RBM44: variants seen among roughly 807,000 people sequenced by gnomAD.
RBM44 encodes RNA-binding protein 44.
Under a neutral mutation model 105.1 loss-of-function variants are expected in RBM44, and 66 were observed. The observed-to-expected ratio is 0.63, with a 90% CI of 0.52 to 0.77. The LOEUF (loss-of-function observed/expected upper bound fraction) is 0.77. RBM44 is among the 30% of genes least tolerant of loss of function. The pLI is 0.00. For synonymous variants in RBM44, 365 were observed against 417.6 expected (o/e 0.87, Z 1.54); for missense variants, 1,122 against 1,207.8 (o/e 0.93, Z 1.05).
At chr2:237,831,041 T>G (rs1014432595) in intron 13 of RBM44, among the ~76,000 whole-genome samples, 1 of 151,712 alleles carries the variant, frequency 6.6e-6, no homozygotes, top group African/African-American at 2.4e-5. Flanking sequence ...GATAAAGGGA[T>G]CTCTTCTAAC....
chr2:237,827,148 G>A (rs2061855531), intron 10 of RBM44, 102 bp from the exon 11 acceptor site: 3 of 679,416 alleles, frequency 4.4e-6, no homozygotes, highest in African/African-American at 3.6e-5. Context: ...ATAAACTCTG[G>A]GTTAGTAGAA....
rs1284372421 is a variant in RBM44, at chr2:237,813,659, G to A, written c.50G>A (p.Ser17Asn). 1 of 1,610,502 alleles carries A rather than the reference G, an allele frequency of 6.2e-7. No individual in the cohort carries two copies. The part of the protein sequence containing the change: ...VETASGKGYH[S>N]NGGNLQKDKP... ...ACAGCATCTGGTAAAGGCTACCACA[G>A]TAATGGAGGCAACCTCCAAAAAGGT... is the stretch of plus-strand genomic sequence containing the variant. The change falls in exon 2 of 16, where the codon AGT becomes AAT. Residue 17 changes from serine (S) to asparagine (N), a missense_variant. Ser to Asn is a conservative substitution (Grantham distance 46). Transcript: ENST00000316997.
intron 15 of RBM44, among the ~76,000 whole-genome samples, chr2:237,835,950 G>A (rs1282298119): frequency 6.6e-6 from 1 of 152,132 alleles, no homozygotes; most frequent in African/African-American, 2.4e-5. Context: ...AGCAGCAAAT[G>A]CTGATGTAGA....
chr2:237,800,870 G>T (rs980743854), intron 1 of RBM44, among the ~76,000 whole-genome samples: 2 of 151,908 alleles, frequency 1.3e-5, no homozygotes, highest in Non-Finnish European at 2.9e-5. Context: ...GGGATTACAG[G>T]CACCCACTAC....
intron 2 of RBM44, among the ~76,000 whole-genome samples, chr2:237,815,178 A>G (rs1253374063): frequency 3.9e-5 from 6 of 152,192 alleles, no homozygotes; most frequent in Admixed American, 2.6e-4. Flanking sequence ...AAGATAAGCA[A>G]TAAGCTAGGA....
chr2:237,832,211 G>A (rs906387073), intron 13 of RBM44, among the ~76,000 whole-genome samples: 2 of 150,488 alleles, frequency 1.3e-5, no homozygotes, highest in African/African-American at 4.9e-5. Flanking sequence ...CTGGGGTGCA[G>A]TGGCACAACC....
intron 1 of RBM44, among the ~76,000 whole-genome samples, chr2:237,813,247 TC>T (rs2061676435): frequency 6.6e-6 from 1 of 152,214 alleles, no homozygotes; most frequent in Admixed American, 6.5e-5. Context: ...CTTCTTTCAT[TC>T]AGCAAGTTTT....
At position 237,824,414 on chromosome 2, in the gene RBM44, C is replaced by T; in HGVS notation, c.2444C>T (p.Thr815Ile). Reference sequence around the variant, plus strand: ...CAAGACACATGGAATTTGGATCTTACAGGAGGTTGGTTCTCAAGAATTTAC... The same window carrying T: ...CAAGACACATGGAATTTGGATCTTATAGGAGGTTGGTTCTCAAGAATTTAC... Reference protein sequence around the residue: ...VEQDTWNLDLTGEMKNVEPSQ... With the variant: ...VEQDTWNLDLIGEMKNVEPSQ... The change falls in exon 10 of 16, where the codon ACA becomes ATA. Residue 815 changes from threonine to isoleucine, a missense_variant. Thr to Ile is a moderately conservative substitution (Grantham distance 89). Around this residue, in one of 3 missense-constraint regions of RBM44, gnomAD observed 918 missense variants for 955.3 expected, o/e 0.96. Transcript: ENST00000316997. 1 of 1,611,698 alleles carries T rather than the reference C, an allele frequency of 6.2e-7. No homozygotes were observed. The highest frequency in any genetic ancestry group is 2.2e-5 in the East Asian group (1 of 44,778).
chr2:237,823,507 A>G lies in RBM44; in HGVS notation c.2273A>G (p.Asn758Ser). Reference sequence around the variant, plus strand: ...TCACCCAAGAAAGATGACTTTAAAAATGGTGATATAAATGCAGACTTTAGT... The same window carrying G: ...TCACCCAAGAAAGATGACTTTAAAAGTGGTGATATAAATGCAGACTTTAGT... ...NISPKKDDFKNGDINADFSQL... is the reference protein window; with the variant it reads ...NISPKKDDFKSGDINADFSQL... Residue 758 changes from asparagine to serine, a missense_variant, in exon 9 of 16, where the codon AAT (asparagine) becomes AGT (serine). Asn to Ser is a conservative substitution (Grantham distance 46). Around this residue, in one of 3 missense-constraint regions of RBM44, gnomAD observed 918 missense variants for 955.3 expected, o/e 0.96. Transcript: ENST00000316997. 6.5e-7 allele frequency: 1 copy of G among 1,542,654 alleles called. No individual in the cohort carries two copies. Among genetic ancestry groups the G allele is most frequent in the Non-Finnish European group, 8.8e-7 (1 of 1,137,240 alleles).
chr2:237,826,021 A>C (rs1054209648), intron 10 of RBM44, among the ~76,000 whole-genome samples: 1 of 152,178 alleles, frequency 6.6e-6, no homozygotes, highest in Non-Finnish European at 1.5e-5. Flanking sequence ...CCTTATCTGT[A>C]AAATGAAAAT....
Position 237,818,118 on chromosome 2 carries a change from A to C in RBM44, c.1199A>C (p.Gln400Pro), listed in dbSNP as rs2061741551. Residue 400 changes from glutamine (Q) to proline (P), a missense_variant, in exon 3 of 16, where the codon CAA becomes CCA. Gln to Pro is a moderately conservative substitution (Grantham distance 76, BLOSUM62 -1). Around this residue, in one of 3 missense-constraint regions of RBM44, gnomAD observed 918 missense variants for 955.3 expected, o/e 0.96. Transcript: ENST00000316997. The surrounding 1 kb of genome is among the most constrained non-coding windows in gnomAD (Gnocchi z 4.6). The part of the protein sequence containing the change: ...ISACGYYESL[Q>P]NTADSALDFS... ...GCCTGTGGATATTATGAAAGCCTAC[A>C]AAACACTGCTGACTCAGCCTTAGAT... 6.2e-7 allele frequency: 1 copy of C among 1,613,058 alleles called. No homozygotes were observed. Among genetic ancestry groups the C allele is most frequent in the African/African-American group, 1.3e-5 (1 of 74,886 alleles).
intron 10 of RBM44, 84 bp from the exon 11 acceptor site, chr2:237,827,166 A>G: frequency 1.2e-6 from 1 of 803,064 alleles, no homozygotes; most frequent in South Asian, 1.8e-5. Flanking sequence ...GAAAGGAAAC[A>G]AAATATTTAA....
intron 8 of RBM44, among the ~76,000 whole-genome samples, chr2:237,823,121 T>A (rs1425661200): frequency 1.4e-5 from 2 of 147,512 alleles, no homozygotes; most frequent in Admixed American, 6.8e-5. Flanking sequence ...TGTATATATA[T>A]AATATATATA....
At chr2:237,810,583 A>T (rs935833947) in intron 1 of RBM44, among the ~76,000 whole-genome samples, 3 of 152,228 alleles carry the variant, frequency 2.0e-5, no homozygotes, top group Non-Finnish European at 4.4e-5. Context: ...AATCACTGTA[A>T]CACAAATTTT....
chr2:237,833,819 C>CT (rs1214829707), intron 13 of RBM44, among the ~76,000 whole-genome samples, 178 bp from the exon 14 acceptor site: 1 of 151,874 alleles, frequency 6.6e-6, no homozygotes, highest in Admixed American at 6.6e-5. Flanking sequence ...ACTACATGGC[C>CT]CTGAAACACA....
chr2:237,825,409 T>C (rs2061838121), intron 10 of RBM44, among the ~76,000 whole-genome samples: 1 of 152,158 alleles, frequency 6.6e-6, no homozygotes, highest in East Asian at 1.9e-4. Flanking sequence ...TTTCACCAGG[T>C]TGGCCAGGCT....
chr2:237,808,992 T>A (rs1437013006), intron 1 of RBM44, among the ~76,000 whole-genome samples: 1 of 152,200 alleles, frequency 6.6e-6, no homozygotes, highest in Non-Finnish European at 1.5e-5. Context: ...AAGGAATATG[T>A]ACCCAACATT....
rs746070623 is a variant in RBM44, at chr2:237,817,346, G to GT, written c.435dup (p.Asn146Ter). ...TCCTGAAGTGCAGAAAAAAGAGGAGGTTTTTTTTAATATTTTGGAACATCA... is the reference window on the plus strand; with the variant it reads ...TCCTGAAGTGCAGAAAAAAGAGGAGGTTTTTTTTTAATATTTTGGAACATCA... On this transcript the variant is annotated frameshift_variant, in exon 3 of 16. Coordinates refer to ENST00000316997, the MANE Select transcript of RBM44 (RefSeq NM_001080504.3). LOFTEE classifies it high-confidence loss of function. The GT allele has an allele frequency of 2.8e-5, 45 of 1,600,442 alleles. No individual in the cohort carries two copies. The highest frequency in any genetic ancestry group is 1.0e-4 in the South Asian group (9 of 89,582).
rs750660731 is a variant in RBM44 at position 237,817,143 on chromosome 2, A to T, written c.224A>T (p.Asp75Val). ...GAAATCAGCAATATTGACAAAATGGATTTATTAGAGCCATTTTTTTCAGTG... is the reference window on the plus strand; with the variant it reads ...GAAATCAGCAATATTGACAAAATGGTTTTATTAGAGCCATTTTTTTCAGTG... ...NKEISNIDKM[D>V]LLEPFFSVSQ... Residue 75 changes from aspartate to valine, a missense_variant, in exon 3 of 16, where the codon GAT (aspartate) becomes GTT (valine). By Grantham distance (152) the Asp-to-Val change is radical (BLOSUM62 -3). This residue lies in a region of RBM44 where 918 missense variants were observed against 955.3 expected (regional missense o/e 0.96). Transcript: ENST00000316997. The T allele has an allele frequency of 2.6e-5, 42 of 1,607,846 alleles. No homozygotes were observed. The highest frequency in any genetic ancestry group is 7.6e-6 in the Non-Finnish European group (9 of 1,177,834).
Sources: allele counts gnomAD v4.1 joint callset (sites outside exome capture counted in the v4.1 genomes callset), GRCh38; gene constraint gnomAD v4.1.1; regional missense constraint gnomAD v4.1.1; non-coding constraint Gnocchi (gnomAD v3.1); transcripts MANE v1.5; gene names NCBI Gene and HGNC (gene_info 2026-07-23, HGNC 2026-07-21).